The following GAP43 variants were observed in gnomAD, a reference collection of about 807,000 sequenced individuals.
GAP43 encodes growth associated protein 43, also known as neuromodulin.
GAP43 carries 6 observed loss-of-function variants against 18.6 expected under a neutral mutation model. That is an observed-to-expected ratio of 0.32 (90% CI 0.18 to 0.64). The LOEUF is 0.64. GAP43 is among the 30% of genes least tolerant of loss of function. GAP43 has a pLI of 0.78. For missense variants in GAP43, 292 were observed against 295.5 expected, an observed-to-expected ratio of 0.99 and a Z score of 0.09; for synonymous variants, 115 against 111.4, an observed-to-expected ratio of 1.03 and a Z score of -0.20.
At chr3:115,637,007 T>C (rs922354380) in intron 1 of GAP43, among the ~76,000 whole-genome samples, 3 of 152,088 alleles carry the variant, frequency 2.0e-5, no homozygotes, top group Non-Finnish European at 2.9e-5. Flanking sequence ...ATTTTGTTCA[T>C]TGTTACCGCC....
At position 115,680,985 on chromosome 3, in the gene GAP43, C is replaced by T. The variant is rs772024469; in HGVS notation, c.628+4375C>T. 5.3e-5 allele frequency among the ~76,000 whole-genome samples: 8 copies of T among 152,090 alleles called. No individual in the cohort carries two copies. In the East Asian group the frequency reaches 7.7e-4, roughly 15 times the overall value. On this transcript the variant is annotated intron_variant, in intron 2 of 2. Transcript: ENST00000305124. ...CTTATTTGGCAGGGTGCCTCGTGAG[C>T]GGCTTTGATTTGAAATGTGGTTTCA...
chr3:115,657,359 CAT>C (rs1355934020), intron 1 of GAP43, among the ~76,000 whole-genome samples: 1 of 152,164 alleles, frequency 6.6e-6, no homozygotes, highest in African/African-American at 2.4e-5. Context: ...TTCAACTACC[CAT>C]AGTTACCACC....
rs185495274 is a variant in GAP43, at chr3:115,687,879, T to C, written c.628+11269T>C. 9.2e-5 allele frequency among the ~76,000 whole-genome samples: 14 copies of C among 152,312 alleles called. No homozygotes were observed. In the East Asian group the frequency reaches 2.7e-3, roughly 29 times the overall value. Reference sequence around the variant, plus strand: ...CATCTTTTCAGGCAGGCATCCAATCTGTACTTAGCTTGAATTGTTTATTTT... The same window carrying C: ...CATCTTTTCAGGCAGGCATCCAATCCGTACTTAGCTTGAATTGTTTATTTT... On this transcript the variant is annotated intron_variant, in intron 2 of 2. Coordinates refer to ENST00000305124, the MANE Select transcript of GAP43 (RefSeq NM_002045.4).
chr3:115,701,892 A>G (rs1346834779), intron 2 of GAP43, among the ~76,000 whole-genome samples: 1 of 152,090 alleles, frequency 6.6e-6, no homozygotes, highest in Non-Finnish European at 1.5e-5. Flanking sequence ...ATTTAACATC[A>G]ATTGTATTAG....
At position 115,661,831 on chromosome 3, in the gene GAP43, C is replaced by CTTTTTTTTTTTTTTTTTTTTTTT. The variant is rs56209932; in HGVS notation, c.31-14168_31-14167insTTTTTTTTTTTTTTTTTTTTTTT. ...AGTTTGGCTTGGGGAGAAACTAGGGCTTTTTTTTTTTTTTACCTGGGAGCT... is the reference window on the plus strand; with the variant it reads ...AGTTTGGCTTGGGGAGAAACTAGGGCTTTTTTTTTTTTTTTTTTTTTTTTTTTTTTTTTTTTTACCTGGGAGCT... On this transcript the variant is annotated intron_variant, in intron 1 of 2. Transcript: ENST00000305124. 6.2e-3 allele frequency among the ~76,000 whole-genome samples: 652 copies of CTTTTTTTTTTTTTTTTTTTTTTT among 105,818 alleles called. 94 individuals are homozygous for CTTTTTTTTTTTTTTTTTTTTTTT. Among genetic ancestry groups the CTTTTTTTTTTTTTTTTTTTTTTT allele is most frequent in the African/African-American group, 0.026 (636 of 24,434 alleles). 69.4% of individuals were successfully genotyped at this position (105,818 alleles called of 152,430 possible).
chr3:115,681,121 C>T (rs1294007753), intron 2 of GAP43, among the ~76,000 whole-genome samples: 1 of 152,184 alleles, frequency 6.6e-6, no homozygotes, highest in Non-Finnish European at 1.5e-5. Flanking sequence ...CAGTGGTATA[C>T]CTCTTAAATA....
At chr3:115,640,982 CTT>C in intron 1 of GAP43, among the ~76,000 whole-genome samples, 1 of 133,738 alleles carries the variant, frequency 7.5e-6, no homozygotes, top group Non-Finnish European at 1.6e-5. Flanking sequence ...TTCCTTCCTT[CTT>C]CTTTCTTCTA....
intron 1 of GAP43, among the ~76,000 whole-genome samples, chr3:115,654,077 C>A (rs906218109): frequency 4.6e-5 from 7 of 152,138 alleles, no homozygotes; most frequent in African/African-American, 1.7e-4. Flanking sequence ...TTTTTCAAGG[C>A]TGAAAAATTC....
chr3:115,683,599 T>C (rs1708994379), intron 2 of GAP43, among the ~76,000 whole-genome samples: 1 of 49,234 alleles, frequency 2.0e-5, no homozygotes, highest in Admixed American at 2.8e-4. Context: ...TAATTTGCTA[T>C]CAATATTTCA....
chr3:115,684,541 T>G (rs576922210), intron 2 of GAP43, among the ~76,000 whole-genome samples: 1 of 152,178 alleles, frequency 6.6e-6, no homozygotes, highest in South Asian at 2.1e-4. Flanking sequence ...GAGTTCAGAC[T>G]GTAGGGAAAA....
chr3:115,670,447 C>T (rs527292304), intron 1 of GAP43, among the ~76,000 whole-genome samples: 3 of 152,072 alleles, frequency 2.0e-5, no homozygotes, highest in African/African-American at 4.8e-5. Context: ...ACACCTGCAC[C>T]GAAACCGGCA....
At chr3:115,682,121 A>T (rs1361965253) in intron 2 of GAP43, among the ~76,000 whole-genome samples, 1 of 152,216 alleles carries the variant, frequency 6.6e-6, no homozygotes, top group African/African-American at 2.4e-5. Context: ...ATAATTCCTG[A>T]TCATAATTCC....
chr3:115,623,803 C>A, intron 1 of GAP43, 84 bp downstream of exon 1: 1 of 1,414,620 alleles, frequency 7.1e-7, no homozygotes, highest in Non-Finnish European at 1.0e-6. Context: ...AATTTTTTTA[C>A]TGCTTCTGCT....
chr3:115,698,016 A>G (rs1709221592), intron 2 of GAP43, among the ~76,000 whole-genome samples: 1 of 109,824 alleles, frequency 9.1e-6, no homozygotes, highest in South Asian at 2.4e-4. Flanking sequence ...TGTGTATAAA[A>G]TATATAACAT....
chr3:115,656,507 T>C (rs1220917137), intron 1 of GAP43, among the ~76,000 whole-genome samples: 2 of 152,182 alleles, frequency 1.3e-5, no homozygotes, highest in African/African-American at 4.8e-5. Context: ...GGTGTAAATA[T>C]GTATACTGAG....
At chr3:115,673,426 A>G (rs144579608) in intron 1 of GAP43, among the ~76,000 whole-genome samples, 9 of 152,302 alleles carry the variant, frequency 5.9e-5, no homozygotes, top group African/African-American at 2.2e-4. Flanking sequence ...TTGAGTCACT[A>G]GAGAGTCTTT....
chr3:115,706,838 A>G (rs886584902), intron 2 of GAP43, among the ~76,000 whole-genome samples: 3 of 152,168 alleles, frequency 2.0e-5, no homozygotes, highest in Admixed American at 1.3e-4. Flanking sequence ...GTGAGTTATG[A>G]TTGGATAAGC....
At position 115,676,475 on chromosome 3, in the gene GAP43, C is replaced by G; in HGVS notation, c.493C>G (p.Pro165Ala). The G allele has an allele frequency of 6.2e-7, 1 of 1,614,046 alleles. No homozygotes were observed. The highest frequency in any genetic ancestry group is 8.5e-7 in the Non-Finnish European group (1 of 1,180,010). ...TGAAGATGCCCCAGCCAAGGAGGAG[C>G]CTAAACAAGCCGATGTGCCTGCTGC... ...KAEDAPAKEE[P>A]KQADVPAAVT... The change falls in exon 2 of 3, where the codon CCT becomes GCT. Residue 165 changes from proline (P) to alanine (A), a missense_variant. By Grantham distance (27) the Pro-to-Ala change is conservative. Transcript: ENST00000305124.
intron 1 of GAP43, among the ~76,000 whole-genome samples, chr3:115,658,340 C>T (rs1278684053): frequency 6.6e-6 from 1 of 152,162 alleles, no homozygotes; most frequent in Non-Finnish European, 1.5e-5. Flanking sequence ...GCCTGGTTTC[C>T]CTTCTCCAAG....
Sources: gnomAD v4.1 joint callset for allele counts (sites outside exome capture counted in the v4.1 genomes callset) on GRCh38, gnomAD v4.1.1 for gene constraint, MANE v1.5 for transcripts, NCBI Gene and HGNC (gene_info 2026-07-23, HGNC 2026-07-21) for gene names.